The following PFKP variants were observed in gnomAD, a reference collection of about 807,000 sequenced individuals.
PFKP encodes phosphofructokinase, platelet.
Under a neutral mutation model 94.3 loss-of-function variants are expected in PFKP, and 101 were observed. The ratio of observed to expected loss-of-function variants is 1.07; its 90% CI spans 0.91 to 1.26. The LOEUF (loss-of-function observed/expected upper bound fraction) is 1.26. PFKP is among the 50% of genes most tolerant of loss of function. PFKP has a pLI of 0.00. For synonymous variants in PFKP, 573 were observed against 432.6 expected (o/e 1.32, Z -4.03); for missense variants, 1,145 against 1,103.3 (o/e 1.04, Z -0.53).
chr10:3,101,555 G>A lies in PFKP; in HGVS notation c.454+1G>A. 4 of 1,530,452 alleles carry A rather than the reference G, an allele frequency of 2.6e-6. No individual in the cohort carries two copies. The East Asian group carries it at 6.9e-5, about 26-fold the overall frequency. 94.8% of individuals were successfully genotyped at this position (1,530,452 alleles called of 1,614,324 possible). The stretch of plus-strand genomic sequence containing the variant: ...CTGCTGGAGGAGCTGGCCAGGAACG[G>A]TGAGTGGACACCTGCTCCTCTGTCC... On this transcript the variant is annotated splice_donor_variant, in intron 4 of 21. Coordinates refer to ENST00000381125, the MANE Select transcript of PFKP (RefSeq NM_002627.5). LOFTEE classifies it high-confidence loss of function.
At chr10:3,090,151 G>A (rs749563478) in intron 2 of PFKP, among the ~76,000 whole-genome samples, 7 of 152,144 alleles carry the variant, frequency 4.6e-5, no homozygotes, top group Non-Finnish European at 7.3e-5. Context: ...CAGTGGGTGC[G>A]TGGATAAAAT....
chr10:3,073,906 C>T (rs575985607), intron 1 of PFKP, among the ~76,000 whole-genome samples: 93 of 152,120 alleles, frequency 6.1e-4, no homozygotes, highest in African/African-American at 2.1e-3. Flanking sequence ...GGCTTGATGT[C>T]GGCTCACTGC....
chr10:3,118,473 A>C (rs1837052086), intron 14 of PFKP, among the ~76,000 whole-genome samples: 1 of 152,214 alleles, frequency 6.6e-6, no homozygotes, highest in East Asian at 1.9e-4. Flanking sequence ...TCTTGGAAAA[A>C]AAAAATTGTT....
chr10:3,075,200 T>C (rs1166188130), intron 1 of PFKP, among the ~76,000 whole-genome samples: 1 of 152,186 alleles, frequency 6.6e-6, no homozygotes, highest in African/African-American at 2.4e-5. Context: ...CTCATTCCCA[T>C]AAACCCACAA....
At chr10:3,099,392 A>G in intron 3 of PFKP, 40 bp downstream of exon 3, 2 of 1,484,258 alleles carry the variant, frequency 1.3e-6, no homozygotes, top group Admixed American at 3.4e-5. Context: ...TCTGAGTTAG[A>G]GACTCTTTTA....
At chr10:3,117,067 T>C (rs1431174478) in intron 14 of PFKP, among the ~76,000 whole-genome samples, 4 of 152,244 alleles carry the variant, frequency 2.6e-5, no homozygotes, top group Non-Finnish European at 4.4e-5. Flanking sequence ...AGGTAACTTG[T>C]GAATGCCTTC....
In PFKP at chr10:3,113,100, C is replaced by T. The variant is rs369295651; in HGVS notation, c.1155-19C>T. The T allele has an allele frequency of 3.0e-5, 49 of 1,609,554 alleles. No individual in the cohort carries two copies. The highest frequency in any genetic ancestry group is 3.7e-5 in the Non-Finnish European group (44 of 1,177,958). ...TCCGGTATTCTCGACTCCGGTCCAA[C>T]GACACCCTTTTCCTTTAGGAGCTTT... On this transcript the variant is annotated intron_variant, in intron 11 of 21. Coordinates refer to ENST00000381125, the MANE Select transcript of PFKP (RefSeq NM_002627.5).
chr10:3,125,634 C>T (rs375943920), intron 16 of PFKP, among the ~76,000 whole-genome samples: 48 of 152,300 alleles, frequency 3.2e-4, no homozygotes, highest in African/African-American at 8.4e-4. Context: ...AGGACAGAGC[C>T]GTACCCACTG....
chr10:3,070,664 G>A (rs937147575), intron 1 of PFKP, among the ~76,000 whole-genome samples: 3 of 152,146 alleles, frequency 2.0e-5, no homozygotes, highest in Admixed American at 2.0e-4. Flanking sequence ...AGTAAGTTAG[G>A]TAAGGGCATG....
At chr10:3,095,221 G>A (rs998507003) in intron 2 of PFKP, among the ~76,000 whole-genome samples, 1 of 85,600 alleles carries the variant, frequency 1.2e-5, no homozygotes, top group Non-Finnish European at 3.4e-5. Flanking sequence ...CATATGAGAC[G>A]TCCGAGAAAG....
In PFKP at chr10:3,119,961, A is replaced by G. The variant is rs775795950; in HGVS notation, c.1600A>G (p.Met534Val). 1.2e-6 allele frequency: 2 copies of G among 1,614,064 alleles called. No homozygotes were observed. The highest frequency in any genetic ancestry group is 1.7e-6 in the Non-Finnish European group (2 of 1,179,986). ...KHEEFCVPMV[M>V]VPATVSNNVP... The stretch of plus-strand genomic sequence containing the variant: ...CGAGGAGTTCTGTGTCCCCATGGTC[A>G]TGGTTCCCGCTACTGTGTCCAACAA... Residue 534 changes from methionine to valine, a missense_variant, in exon 16 of 22, where the codon ATG (methionine) becomes GTG (valine). Met to Val is a conservative substitution (Grantham distance 21). Coordinates refer to ENST00000381125, the MANE Select transcript of PFKP (RefSeq NM_002627.5).
intron 8 of PFKP, chr10:3,107,609 C>T (rs1407354300): frequency 5.6e-6 from 2 of 355,736 alleles, no homozygotes; most frequent in Non-Finnish European, 7.9e-6. Flanking sequence ...TGTTCCGGCT[C>T]TTAAACATGA....
At chr10:3,124,090 G>A (rs1236204651) in intron 16 of PFKP, among the ~76,000 whole-genome samples, 2 of 150,720 alleles carry the variant, frequency 1.3e-5, no homozygotes, top group African/African-American at 2.4e-5. Context: ...GCCCACACGG[G>A]CTCCAGGCCT....
chr10:3,097,903 G>A (rs1169069018), intron 2 of PFKP, among the ~76,000 whole-genome samples: 2 of 152,214 alleles, frequency 1.3e-5, no homozygotes, highest in Non-Finnish European at 2.9e-5. Flanking sequence ...CAAGTACTCT[G>A]GAGGCTGAGG....
At chr10:3,119,531 G>A (rs535827724) in intron 15 of PFKP, among the ~76,000 whole-genome samples, 245 of 152,236 alleles carry the variant, frequency 1.6e-3, no homozygotes, top group Non-Finnish European at 2.5e-3. Flanking sequence ...CTTGAACCCG[G>A]GAGGCGGAGG....
chr10:3,098,499 C>A (rs942210846), intron 2 of PFKP, among the ~76,000 whole-genome samples: 1 of 151,770 alleles, frequency 6.6e-6, no homozygotes, highest in Non-Finnish European at 1.5e-5. Flanking sequence ...CAAGGTGAAG[C>A]CCCGTCTCTA....
chr10:3,086,421 C>T (rs1419953478), intron 2 of PFKP, among the ~76,000 whole-genome samples: 8 of 152,242 alleles, frequency 5.3e-5, no homozygotes, highest in East Asian at 1.9e-4. Context: ...GTTCGGTCCC[C>T]GACCCCTGGC....
intron 2 of PFKP, among the ~76,000 whole-genome samples, chr10:3,094,233 C>T (rs1409991431): frequency 6.6e-6 from 1 of 152,218 alleles, no homozygotes; most frequent in Non-Finnish European, 1.5e-5. Flanking sequence ...GGCCTCGCTC[C>T]TGCTGGGGCT....
rs758904698 is a variant in PFKP, at chr10:3,101,572, CCT to C, written c.454+21_454+22del. 5.4e-5 allele frequency: 81 copies of C among 1,495,686 alleles called. No homozygotes were observed. The highest frequency in any genetic ancestry group is 1.8e-6 in the Non-Finnish European group (2 of 1,121,098). 92.7% of individuals were successfully genotyped at this position (1,495,686 alleles called of 1,614,324 possible). Reference sequence around the variant, plus strand: ...CAGGAACGGTGAGTGGACACCTGCTCCTCTGTCCTGCGGGTTTTCGCCCTGTT... The same window carrying C: ...CAGGAACGGTGAGTGGACACCTGCTCCTGTCCTGCGGGTTTTCGCCCTGTT... On this transcript the variant is annotated intron_variant, in intron 4 of 21. Coordinates refer to ENST00000381125, the MANE Select transcript of PFKP (RefSeq NM_002627.5).
Sources: allele counts gnomAD v4.1 joint callset (sites outside exome capture counted in the v4.1 genomes callset), GRCh38; gene constraint gnomAD v4.1.1; transcripts MANE v1.5; gene names NCBI Gene and HGNC (gene_info 2026-07-23, HGNC 2026-07-21).